MYO5A: variants seen among roughly 807,000 people sequenced by gnomAD.
The protein encoded by MYO5A is myosin VA, also known as unconventional myosin-Va.
MYO5A carries 98 observed loss-of-function variants against 249.7 expected under a neutral mutation model. The observed-to-expected ratio is 0.39, with a 90% CI of 0.33 to 0.46. MYO5A has a LOEUF of 0.46. Ranked by LOEUF, MYO5A falls within the 20% of genes least tolerant of loss-of-function variation. The pLI, the probability that MYO5A is intolerant of heterozygous loss-of-function variation, is 0.98. For synonymous variants in MYO5A, 778 were observed against 810.6 expected, an observed-to-expected ratio of 0.96 and a Z score of 0.68; for missense variants, 1,696 against 2,308.8, an observed-to-expected ratio of 0.73 and a Z score of 5.44.
rs1301371223 is a variant in MYO5A at position 52,459,781 on chromosome 15, C to T, written c.28-26496G>A. ...GCCCCCCACCTCCCAGACGGGGCGG[C>T]GGCCGGGCAGAGGGGCTCCTCACTT... is the stretch of plus-strand genomic sequence containing the variant. On this transcript the variant is annotated intron_variant, in intron 1 of 41. Transcript: ENST00000399233. Among the ~76,000 whole-genome samples the T allele has an allele frequency of 3.3e-5, 5 of 151,722 alleles. No homozygotes were observed. The South Asian group carries it at 8.3e-4, about 25-fold the overall frequency.
chr15:52,308,736 G>A lies in MYO5A; in HGVS notation c.*4960C>T, dbSNP rs1453560388. Reference sequence around the variant, plus strand: ...CTCTCACAAAACCTTGAGAAACAGGGCAAGATATCCCTTCCAGGCAAGATA... The same window carrying A: ...CTCTCACAAAACCTTGAGAAACAGGACAAGATATCCCTTCCAGGCAAGATA... On this transcript the variant is annotated 3_prime_UTR_variant, in exon 42 of 42. Coordinates refer to ENST00000399233, the MANE Select transcript of MYO5A (RefSeq NM_001382347.1). 1 of 152,708 alleles carries A rather than the reference G, an allele frequency of 6.5e-6. No homozygotes were observed. The highest frequency in any genetic ancestry group is 1.5e-5 in the Non-Finnish European group (1 of 68,114). 9.5% of individuals were successfully genotyped at this position (152,708 alleles called of 1,614,324 possible).
intron 31 of MYO5A, among the ~76,000 whole-genome samples, chr15:52,342,254 G>T (rs1177273889): frequency 6.6e-6 from 1 of 152,080 alleles, no homozygotes; most frequent in African/African-American, 2.4e-5. Flanking sequence ...AGTTACTCAG[G>T]AGGCTGAGGC....
intron 1 of MYO5A, among the ~76,000 whole-genome samples, chr15:52,510,768 T>C (rs1365264691): frequency 6.6e-6 from 1 of 152,190 alleles, no homozygotes; most frequent in African/African-American, 2.4e-5. Flanking sequence ...AAAACTGTCT[T>C]CCATGAAACT....
At chr15:52,426,416 T>C (rs1167377797) in intron 3 of MYO5A, among the ~76,000 whole-genome samples, 1 of 152,014 alleles carries the variant, frequency 6.6e-6, no homozygotes, top group Non-Finnish European at 1.5e-5. Context: ...GTTGAATGCA[T>C]TCTGTTACAT....
At chr15:52,350,628 G>C (rs2039898501) in intron 28 of MYO5A, among the ~76,000 whole-genome samples, 4 of 152,180 alleles carry the variant, frequency 2.6e-5, no homozygotes, top group Admixed American at 2.0e-4. Flanking sequence ...GCAAATGACA[G>C]AAAGGCCCAT....
At chr15:52,511,266 G>A (rs1316938577) in intron 1 of MYO5A, among the ~76,000 whole-genome samples, 2 of 152,234 alleles carry the variant, frequency 1.3e-5, no homozygotes, top group East Asian at 1.9e-4. Context: ...AACTCATTAT[G>A]AGAAACATTT....
intron 1 of MYO5A, among the ~76,000 whole-genome samples, chr15:52,451,444 G>A (rs1037489747): frequency 1.3e-5 from 2 of 152,162 alleles, no homozygotes; most frequent in Non-Finnish European, 2.9e-5. Flanking sequence ...TGGAAAAACA[G>A]GATGAAAAAT....
chr15:52,506,270 G>C (rs7178839), intron 1 of MYO5A, among the ~76,000 whole-genome samples: 110,349 of 152,040 alleles, frequency 0.73, 42,082 homozygotes, highest in Non-Finnish European at 0.83. Flanking sequence ...AGAATGACGT[G>C]AACCCGGGAG....
intron 1 of MYO5A, among the ~76,000 whole-genome samples, chr15:52,472,240 G>A (rs1238799176): frequency 1.4e-4 from 21 of 151,944 alleles, no homozygotes; most frequent in African/African-American, 4.6e-4. Context: ...CACCACGCCC[G>A]GCTAATTTTT....
At chr15:52,371,593 A>G (rs1352573688) in intron 21 of MYO5A, among the ~76,000 whole-genome samples, 4 of 152,310 alleles carry the variant, frequency 2.6e-5, no homozygotes, top group Admixed American at 2.0e-4. Flanking sequence ...CTCTGTTCTC[A>G]AAAATAATTT....
intron 1 of MYO5A, among the ~76,000 whole-genome samples, chr15:52,454,192 C>A (rs1403863128): frequency 1.3e-5 from 2 of 151,464 alleles, no homozygotes; most frequent in East Asian, 3.9e-4. Flanking sequence ...CATGTGGAAA[C>A]CAAAAAAGAG....
rs561714948 is a variant in MYO5A at position 52,338,224 on chromosome 15, CTTT to C, written c.4240-343_4240-341del. On this transcript the variant is annotated intron_variant, in intron 32 of 41. Coordinates refer to ENST00000399233, the MANE Select transcript of MYO5A (RefSeq NM_001382347.1). ...CACATGATGCTCACAACTTGCTGCA[CTTT>C]TTTTTTTTTTTTTTTGCCGCCAGCA... Among the ~76,000 whole-genome samples, 275 of 128,778 alleles carry C rather than the reference CTTT, an allele frequency of 2.1e-3. 2 individuals carry two copies. Among genetic ancestry groups the C allele is most frequent in the East Asian group, 8.6e-3 (37 of 4,286 alleles). 84.5% of individuals were successfully genotyped at this position (128,778 alleles called of 152,430 possible). A position where few individuals can be genotyped will look rare whatever the true frequency, so the allele number is the denominator to read the frequency against.
chr15:52,323,256 T>C, intron 37 of MYO5A, 99 bp downstream of exon 37: 1 of 1,036,768 alleles, frequency 9.6e-7, no homozygotes, highest in Admixed American at 1.9e-5. Context: ...GAATTTGGGT[T>C]CCTAAATAAA....
chr15:52,408,447 T>C (rs1375592991), intron 6 of MYO5A, among the ~76,000 whole-genome samples: 1 of 112,874 alleles, frequency 8.9e-6, no homozygotes, highest in East Asian at 7.2e-4. Flanking sequence ...GAAACTAAAA[T>C]CATTTTTTTT....
At chr15:52,380,471 A>G (rs2041679753) in intron 16 of MYO5A, among the ~76,000 whole-genome samples, 1 of 151,860 alleles carries the variant, frequency 6.6e-6, no homozygotes, top group Non-Finnish European at 1.5e-5. Flanking sequence ...GAGCACATTT[A>G]AAACAACACA....
chr15:52,445,814 G>A (rs1326052318), intron 1 of MYO5A, among the ~76,000 whole-genome samples: 1 of 152,236 alleles, frequency 6.6e-6, no homozygotes, highest in Non-Finnish European at 1.5e-5. Flanking sequence ...GAACTTCAGA[G>A]TGATGATTTA....
At chr15:52,346,792 T>C (rs1335979102) in intron 29 of MYO5A, among the ~76,000 whole-genome samples, 3 of 151,018 alleles carry the variant, frequency 2.0e-5, no homozygotes, top group African/African-American at 4.8e-5. Flanking sequence ...ATATATTTTA[T>C]AAAGTATATA....
At chr15:52,515,928 G>T (rs1430834754) in intron 1 of MYO5A, among the ~76,000 whole-genome samples, 2 of 152,148 alleles carry the variant, frequency 1.3e-5, no homozygotes, top group Non-Finnish European at 2.9e-5. Flanking sequence ...AGCAGACAGA[G>T]AGAAAGGAGA....
Position 52,397,431 on chromosome 15 carries a change from G to A in MYO5A, c.1089C>T (p.Leu363=), listed in dbSNP as rs780212531. The part of the protein sequence containing the change: ...KHEPLCIFCE[L]MGVDYEEMCH... ...ACATCTCCTCATAGTCCACACCCAT[G>A]AGTTCACAGAAGATGCAGAGAGGTT... The change falls in exon 10 of 42, where the codon CTC becomes CTT. Residue 363 remains leucine, a synonymous_variant. Transcript: ENST00000399233. 3 of 1,614,070 alleles carry A rather than the reference G, an allele frequency of 1.9e-6. No individual in the cohort carries two copies. In the East Asian group the frequency reaches 6.7e-5, roughly 36 times the overall value.
Sources: allele counts gnomAD v4.1 joint callset (sites outside exome capture counted in the v4.1 genomes callset), GRCh38; gene constraint gnomAD v4.1.1; transcripts MANE v1.5; gene names NCBI Gene and HGNC (gene_info 2026-07-23, HGNC 2026-07-21).